The following CDH4 variants were observed in gnomAD, a reference collection of about 807,000 sequenced individuals.
The protein encoded by CDH4 is cadherin 4, also known as cadherin-4.
A neutral mutation model predicts 86.0 loss-of-function variants in CDH4; 33 were observed. The ratio of observed to expected loss-of-function variants is 0.38; its 90% CI spans 0.29 to 0.51. The LOEUF (loss-of-function observed/expected upper bound fraction) is 0.51, where lower values mean the gene tolerates loss of function less well. CDH4 is among the 20% of genes least tolerant of loss of function. The probability of loss-of-function intolerance (pLI) is 0.86; values close to 1 mark genes in which losing one functional copy is unlikely to be tolerated. For synonymous variants in CDH4, 555 were observed against 549.4 expected (o/e 1.01, Z -0.14); for missense variants, 1,114 against 1,307.4 (o/e 0.85, Z 2.28).
intron 2 of CDH4, among the ~76,000 whole-genome samples, chr20:61,486,990 G>A (rs2085600349): frequency 6.6e-6 from 1 of 152,310 alleles, no homozygotes. Flanking sequence ...ACCCAGTGGT[G>A]CCTGGCAGAG....
intron 2 of CDH4, among the ~76,000 whole-genome samples, chr20:61,507,142 C>G (rs768122399): frequency 6.6e-6 from 1 of 152,136 alleles, no homozygotes; most frequent in Non-Finnish European, 1.5e-5. Context: ...TCAGATGCAA[C>G]AACTAAAAAT....
intron 2 of CDH4, among the ~76,000 whole-genome samples, chr20:61,587,190 C>T (rs1280614097): frequency 1.3e-5 from 2 of 152,138 alleles, no homozygotes; most frequent in South Asian, 2.1e-4. Flanking sequence ...CCTCCAGGCT[C>T]GGGGCAGGGG....
chr20:61,711,264 G>A (rs893370938), intron 2 of CDH4, among the ~76,000 whole-genome samples: 5 of 152,110 alleles, frequency 3.3e-5, no homozygotes, highest in Non-Finnish European at 5.9e-5. Flanking sequence ...TTCGCCTTCC[G>A]CCATGATTGT....
At chr20:61,391,277 G>A (rs7272103) in intron 2 of CDH4, among the ~76,000 whole-genome samples, 13,260 of 152,142 alleles carry the variant, frequency 0.087, 933 homozygotes, top group East Asian at 0.38. Flanking sequence ...GCTGAGTGCT[G>A]TATTGAGGGG....
At chr20:61,731,840 C>T (rs1458102210) in intron 2 of CDH4, among the ~76,000 whole-genome samples, 1 of 152,166 alleles carries the variant, frequency 6.6e-6, no homozygotes, top group Non-Finnish European at 1.5e-5. Context: ...CCCACGAGGA[C>T]TCGGGGGCTG....
chr20:61,325,937 G>A (rs760985555), intron 2 of CDH4, among the ~76,000 whole-genome samples: 2 of 152,140 alleles, frequency 1.3e-5, no homozygotes, highest in African/African-American at 2.4e-5. Context: ...GGTCAGTGCC[G>A]TGCCATTCCC....
At chr20:61,656,329 G>A (rs1377154680) in intron 2 of CDH4, among the ~76,000 whole-genome samples, 6 of 133,642 alleles carry the variant, frequency 4.5e-5, no homozygotes, top group Admixed American at 2.2e-4. Flanking sequence ...GGGCAGGCGC[G>A]TGCTGGGGTG....
Position 61,322,798 on chromosome 20 carries a change from G to A in CDH4, c.169+67861G>A, listed in dbSNP as rs533317363. On this transcript the variant is annotated intron_variant, in intron 2 of 15. Transcript: ENST00000614565. ...AGGAAAGTGACAGACTGGGGTGGGG[G>A]CCCCTGGTTCAGTTCCCAGTGGACT... is the stretch of plus-strand genomic sequence containing the variant. Among the ~76,000 whole-genome samples, 4 of 152,332 alleles carry A rather than the reference G, an allele frequency of 2.6e-5. No homozygotes were observed. The South Asian group carries it at 6.2e-4, about 24-fold the overall frequency.
chr20:61,416,767 C>T (rs893175014), intron 2 of CDH4, among the ~76,000 whole-genome samples: 2 of 152,186 alleles, frequency 1.3e-5, no homozygotes, highest in Non-Finnish European at 2.9e-5. Flanking sequence ...TGGCGCTGGG[C>T]GAGTCTCCCC....
intron 2 of CDH4, among the ~76,000 whole-genome samples, chr20:61,645,278 CTA>C (rs1395115512): frequency 4.6e-5 from 7 of 152,228 alleles, no homozygotes; most frequent in African/African-American, 1.7e-4. Context: ...CATGGCTGTG[CTA>C]TGTTACCTAG....
intron 2 of CDH4, among the ~76,000 whole-genome samples, chr20:61,568,693 C>T (rs2086319299): frequency 6.6e-6 from 1 of 152,230 alleles, no homozygotes; most frequent in Admixed American, 6.5e-5. Context: ...CACCCAGCTC[C>T]ATCCTGTGCC....
chr20:61,447,673 A>C (rs1470430355), intron 2 of CDH4, among the ~76,000 whole-genome samples: 1 of 143,444 alleles, frequency 7.0e-6, no homozygotes, highest in East Asian at 2.0e-4. Context: ...GGAAAATTTT[A>C]ATACGATGCA....
chr20:61,376,298 CA>C (rs2145440803), intron 2 of CDH4, among the ~76,000 whole-genome samples: 2 of 151,980 alleles, frequency 1.3e-5, no homozygotes, highest in African/African-American at 4.8e-5. Flanking sequence ...AGACCGGCCA[CA>C]AAAGTGCCTG....
At chr20:61,345,408 G>T (rs545842148) in intron 2 of CDH4, among the ~76,000 whole-genome samples, 1 of 152,124 alleles carries the variant, frequency 6.6e-6, no homozygotes, top group African/African-American at 2.4e-5. Context: ...TAATTAATTC[G>T]CCATGTTTCA....
chr20:61,925,011 CG>C (rs1251268685), intron 11 of CDH4, among the ~76,000 whole-genome samples: 3 of 152,186 alleles, frequency 2.0e-5, no homozygotes, highest in Non-Finnish European at 4.4e-5. Context: ...TGACCACCCA[CG>C]GCACAGACCC....
intron 2 of CDH4, among the ~76,000 whole-genome samples, chr20:61,711,147 T>C (rs547272437): frequency 9.8e-5 from 15 of 152,312 alleles, no homozygotes; most frequent in African/African-American, 3.6e-4. Flanking sequence ...AACCATGATA[T>C]TGAGTGCGTT....
chr20:61,315,558 C>T (rs1190300921), intron 2 of CDH4, among the ~76,000 whole-genome samples: 8 of 152,186 alleles, frequency 5.3e-5, no homozygotes, highest in Admixed American at 3.3e-4. Context: ...CCAAGAAACT[C>T]GCAGAACCAG....
At chr20:61,686,452 C>T (rs972065831) in intron 2 of CDH4, among the ~76,000 whole-genome samples, 2 of 146,412 alleles carry the variant, frequency 1.4e-5, no homozygotes, top group South Asian at 2.2e-4. Context: ...CGTGTGCATT[C>T]GTGTGTGTGC....
chr20:61,578,339 AT>A (rs2086399922), intron 2 of CDH4, among the ~76,000 whole-genome samples: 1 of 152,134 alleles, frequency 6.6e-6, no homozygotes, highest in Non-Finnish European at 1.5e-5. Flanking sequence ...AGGGTCTTTA[AT>A]TTTTTGCTTT....
Sources: allele counts gnomAD v4.1 joint callset (sites outside exome capture counted in the v4.1 genomes callset), GRCh38; gene constraint gnomAD v4.1.1; transcripts MANE v1.5; gene names NCBI Gene and HGNC (gene_info 2026-07-23, HGNC 2026-07-21).